The following ZMAT4 variants were observed in gnomAD, a reference collection of about 807,000 sequenced individuals.
ZMAT4 encodes the protein zinc finger matrin-type protein 4.
In ZMAT4, 17 loss-of-function variants were observed where a neutral mutation model predicts 28.7. That is an observed-to-expected ratio of 0.59 (90% CI 0.41 to 0.89). ZMAT4 has a LOEUF of 0.89. Ranked by LOEUF, ZMAT4 falls within the 40% of genes least tolerant of loss-of-function variation. ZMAT4 has a pLI of 0.00. For synonymous variants in ZMAT4, 117 were observed against 109.2 expected (o/e 1.07, Z -0.44); for missense variants, 240 against 283.8 (o/e 0.85, Z 1.11).
chr8:40,848,553 C>T (rs1293898142), intron 1 of ZMAT4, among the ~76,000 whole-genome samples: 1 of 152,182 alleles, frequency 6.6e-6, no homozygotes, highest in Non-Finnish European at 1.5e-5. Context: ...AGGCAGCAAG[C>T]TGTGAATGCT....
intron 1 of ZMAT4, among the ~76,000 whole-genome samples, chr8:40,830,631 CA>C (rs1200064389): frequency 6.6e-6 from 1 of 152,146 alleles, no homozygotes; most frequent in Non-Finnish European, 1.5e-5. Context: ...AATAGTGCTG[CA>C]ATGAACATGT....
At chr8:40,736,566 A>T (rs764854774) in intron 3 of ZMAT4, among the ~76,000 whole-genome samples, 11 of 152,248 alleles carry the variant, frequency 7.2e-5, no homozygotes, top group African/African-American at 9.6e-5. Context: ...CAGAAGGCAC[A>T]CAGAGCCCAA....
intron 3 of ZMAT4, among the ~76,000 whole-genome samples, chr8:40,723,233 T>C (rs1452137683): frequency 2.6e-5 from 4 of 152,062 alleles, no homozygotes; most frequent in Admixed American, 1.3e-4. Flanking sequence ...TACCTTCTAA[T>C]AGAAATCATG....
chr8:40,863,668 C>A (rs1817578972), intron 1 of ZMAT4, among the ~76,000 whole-genome samples: 1 of 152,144 alleles, frequency 6.6e-6, no homozygotes, highest in South Asian at 2.1e-4. Context: ...ATAGCAAGAT[C>A]TAGACAAGGG....
chr8:40,735,755 T>C (rs1811736167), intron 3 of ZMAT4, among the ~76,000 whole-genome samples: 1 of 152,172 alleles, frequency 6.6e-6, no homozygotes, highest in Non-Finnish European at 1.5e-5. Context: ...GTCTCACTAT[T>C]AAGACACTGT....
intron 5 of ZMAT4, among the ~76,000 whole-genome samples, chr8:40,643,789 C>CAAAAAAA (rs11416412): frequency 7.3e-6 from 1 of 137,636 alleles, no homozygotes; most frequent in Non-Finnish European, 1.5e-5. Context: ...TGTGTGTGTG[C>CAAAAAAA]AAAAAAAAAA....
intron 1 of ZMAT4, among the ~76,000 whole-genome samples, chr8:40,890,314 C>T (rs1353728519): frequency 1.3e-5 from 2 of 152,028 alleles, no homozygotes; most frequent in South Asian, 2.1e-4. Flanking sequence ...AGTTTAAACC[C>T]ATTTCCTCCC....
At chr8:40,615,360 T>A (rs533184729) in intron 5 of ZMAT4, among the ~76,000 whole-genome samples, 1 of 152,304 alleles carries the variant, frequency 6.6e-6, no homozygotes, top group East Asian at 1.9e-4. Context: ...CCCTTAAGAT[T>A]TTTTACCTCA....
rs74778475 is a variant in ZMAT4, at chr8:40,817,972, T to C, written c.102+7603A>G. On this transcript the variant is annotated intron_variant, in intron 2 of 6. Transcript: ENST00000297737. The stretch of plus-strand genomic sequence containing the variant: ...TGACTGAGTGCTAGCCAATGGGATA[T>C]GGTCTGACTCCTAAAATCCACTAAG... 7.5e-3 allele frequency among the ~76,000 whole-genome samples: 1,136 copies of C among 152,304 alleles called. 10 individuals are homozygous for C. The highest frequency in any genetic ancestry group is 0.026 in the African/African-American group (1,075 of 41,560).
chr8:40,635,758 G>T (rs1332882382), intron 5 of ZMAT4, among the ~76,000 whole-genome samples: 5 of 152,070 alleles, frequency 3.3e-5, no homozygotes, highest in Admixed American at 6.6e-5. Context: ...TTTAACTTTG[G>T]TGTCACAGCC....
At chr8:40,653,947 CT>C (rs1363197407) in intron 5 of ZMAT4, among the ~76,000 whole-genome samples, 1 of 152,168 alleles carries the variant, frequency 6.6e-6, no homozygotes, top group Non-Finnish European at 1.5e-5. Context: ...AAGATGGCCC[CT>C]GTATGTTGGC....
chr8:40,720,521 A>ATCT, intron 3 of ZMAT4, among the ~76,000 whole-genome samples: 3 of 142,006 alleles, frequency 2.1e-5, no homozygotes, highest in African/African-American at 7.9e-5. Context: ...CCTGGGTAGA[A>ATCT]TCTTTTTTTT....
At chr8:40,584,861 A>G (rs1804615325) in intron 5 of ZMAT4, among the ~76,000 whole-genome samples, 1 of 152,130 alleles carries the variant, frequency 6.6e-6, no homozygotes, top group South Asian at 2.1e-4. Context: ...CTCAAACGCC[A>G]GATCTCAAGT....
At chr8:40,608,066 T>C (rs1315311907) in intron 5 of ZMAT4, among the ~76,000 whole-genome samples, 1 of 152,138 alleles carries the variant, frequency 6.6e-6, no homozygotes, top group African/African-American at 2.4e-5. Context: ...ATAGGGAGGA[T>C]ACAAGCTTGT....
At chr8:40,704,322 T>C (rs929880611) in intron 3 of ZMAT4, among the ~76,000 whole-genome samples, 7 of 152,198 alleles carry the variant, frequency 4.6e-5, no homozygotes, top group African/African-American at 1.2e-4. Context: ...GGTAACGTTA[T>C]CTCCCACTGT....
intron 5 of ZMAT4, among the ~76,000 whole-genome samples, chr8:40,601,580 A>T (rs1805341572): frequency 1.4e-4 from 1 of 7,096 alleles, no homozygotes; most frequent in African/African-American, 3.3e-4. Context: ...GAAAGAAAGA[A>T]AGAAAGAAAG....
chr8:40,682,185 C>T lies in ZMAT4; in HGVS notation c.350-7254G>A, dbSNP rs1047331287. On this transcript the variant is annotated intron_variant, in intron 4 of 6. Transcript: ENST00000297737. ...GTAGATGGAAGACATTTTTATTTTA[C>T]CATTTATATATAGGCCACATTTAAT... 3.9e-5 allele frequency among the ~76,000 whole-genome samples: 6 copies of T among 152,172 alleles called. No individual in the cohort carries two copies. The South Asian group carries it at 1.0e-3, about 26-fold the overall frequency.
At chr8:40,871,041 G>A (rs922762329) in intron 1 of ZMAT4, among the ~76,000 whole-genome samples, 3 of 152,086 alleles carry the variant, frequency 2.0e-5, no homozygotes, top group African/African-American at 4.8e-5. Context: ...GTTGCTTGAC[G>A]AATGAGACCA....
At chr8:40,575,690 A>G (rs1322877334) in intron 6 of ZMAT4, among the ~76,000 whole-genome samples, 1 of 143,072 alleles carries the variant, frequency 7.0e-6, no homozygotes, top group East Asian at 1.9e-4. Context: ...CTATTCCATA[A>G]AATTGGAAGA....
Sources: allele counts gnomAD v4.1 joint callset (sites outside exome capture counted in the v4.1 genomes callset), GRCh38; gene constraint gnomAD v4.1.1; transcripts MANE v1.5; gene names NCBI Gene and HGNC (gene_info 2026-07-23, HGNC 2026-07-21).